TRPC6: variants seen among roughly 807,000 people sequenced by gnomAD.
TRPC6 encodes short transient receptor potential channel 6.
In TRPC6, 55 loss-of-function variants were observed where a neutral mutation model predicts 90.7. The observed-to-expected ratio is 0.61, with a 90% confidence interval of 0.49 to 0.76. The LOEUF is 0.76. Among genes scored for constraint, TRPC6 ranks in the 30% least tolerant of loss-of-function variants. TRPC6 has a pLI of 0.00. For missense variants in TRPC6, 989 were observed against 1,122.7 expected (o/e 0.88, Z 1.70); for synonymous variants, 393 against 393.0 (o/e 1.00, Z 0.00).
At chr11:101,576,118 C>A in intron 1 of TRPC6, among the ~76,000 whole-genome samples, 1 of 152,250 alleles carries the variant, frequency 6.6e-6, no homozygotes, top group East Asian at 1.9e-4. Context: ...ACTTACTGCA[C>A]ATTGTTTAAC....
chr11:101,455,401 A>T, intron 10 of TRPC6: 1 of 291,110 alleles, frequency 3.4e-6, no homozygotes, highest in Non-Finnish European at 6.6e-6. Context: ...TGCATGGTAG[A>T]GAAAGAGTCA....
intron 1 of TRPC6, among the ~76,000 whole-genome samples, chr11:101,512,955 T>A (rs1198765531): frequency 6.6e-6 from 1 of 152,134 alleles, no homozygotes; most frequent in Non-Finnish European, 1.5e-5. Flanking sequence ...CTGAAAAAAC[T>A]TAATGAAGGA....
chr11:101,531,455 G>A (rs551406719), intron 1 of TRPC6, among the ~76,000 whole-genome samples: 18 of 152,282 alleles, frequency 1.2e-4, no homozygotes, highest in Middle Eastern at 3.4e-3. Flanking sequence ...ATCTTGGTAG[G>A]CATTCAGTAT....
rs35718997 is a variant in TRPC6 at position 101,553,318 on chromosome 11, A to AT, written c.170+30015dup. ...CTCTGCCTACTCTGATACCAGCCTT[A>AT]TTTTTTTTTAATTTTTCTTTTGTTT... is the stretch of plus-strand genomic sequence containing the variant. On this transcript the variant is annotated intron_variant, in intron 1 of 12. Coordinates refer to ENST00000344327, the MANE Select transcript of TRPC6 (RefSeq NM_004621.6). 1.4e-3 allele frequency among the ~76,000 whole-genome samples: 214 copies of AT among 151,272 alleles called. 1 individual carries two copies. Among genetic ancestry groups the AT allele is most frequent in the African/African-American group, 5.6e-4 (23 of 41,260 alleles).
intron 4 of TRPC6, among the ~76,000 whole-genome samples, chr11:101,484,595 ATGTGTGTG>A (rs61160203): frequency 0.052 from 7,331 of 140,850 alleles, 203 homozygotes; most frequent in Non-Finnish European, 0.056. Context: ...CTCTCATGCT[ATGTGTGTG>A]TGTGTGTGTG....
At chr11:101,496,877 C>T (rs1439745781) in intron 2 of TRPC6, among the ~76,000 whole-genome samples, 2 of 152,302 alleles carry the variant, frequency 1.3e-5, no homozygotes, top group East Asian at 3.9e-4. Flanking sequence ...TATTCAAAGG[C>T]AAGAACACAC....
At chr11:101,581,898 C>T (rs868602598) in intron 1 of TRPC6, among the ~76,000 whole-genome samples, 9 of 152,104 alleles carry the variant, frequency 5.9e-5, no homozygotes, top group African/African-American at 1.9e-4. Context: ...TGCATGCTAG[C>T]CATTAAAGTT....
chr11:101,485,914 G>T (rs549175439), intron 4 of TRPC6, among the ~76,000 whole-genome samples: 28 of 152,212 alleles, frequency 1.8e-4, no homozygotes, highest in African/African-American at 6.0e-4. Context: ...CAAGGTGTCT[G>T]ATCTGTGTGC....
At chr11:101,469,893 T>C (rs1216842685) in intron 9 of TRPC6, among the ~76,000 whole-genome samples, 1 of 152,220 alleles carries the variant, frequency 6.6e-6, no homozygotes, top group Non-Finnish European at 1.5e-5. Flanking sequence ...TATATACTTA[T>C]TTGAGTTGAT....
At chr11:101,458,268 T>A (rs928354757) in intron 10 of TRPC6, among the ~76,000 whole-genome samples, 1 of 152,212 alleles carries the variant, frequency 6.6e-6, no homozygotes. Flanking sequence ...ATCCTAGAGA[T>A]ATTTTGCCAA....
intron 1 of TRPC6, chr11:101,519,697 AT>A (rs1300457236): frequency 6.5e-6 from 1 of 153,442 alleles, no homozygotes; most frequent in African/African-American, 2.4e-5. Context: ...ACTTTTCAAA[AT>A]TCTGAGCTGT....
chr11:101,501,752 A>G (rs1860131836), intron 2 of TRPC6, among the ~76,000 whole-genome samples: 1 of 152,208 alleles, frequency 6.6e-6, no homozygotes, highest in African/African-American at 2.4e-5. Flanking sequence ...GGCCTTAAAA[A>G]TCAAGCCAGT....
At chr11:101,507,035 AC>A (rs1398841011) in intron 1 of TRPC6, among the ~76,000 whole-genome samples, 3 of 150,772 alleles carry the variant, frequency 2.0e-5, no homozygotes, top group African/African-American at 7.4e-5. Flanking sequence ...ACACACACAC[AC>A]ACACACACAC....
Position 101,466,698 on chromosome 11 carries a change from T to A in TRPC6, c.2484+2729A>T, listed in dbSNP as rs562687318. Among the ~76,000 whole-genome samples, 6 of 152,286 alleles carry A rather than the reference T, an allele frequency of 3.9e-5. No homozygotes were observed. In the South Asian group the frequency reaches 1.2e-3, roughly 32 times the overall value. On this transcript the variant is annotated intron_variant, in intron 10 of 12. Coordinates refer to ENST00000344327, the MANE Select transcript of TRPC6 (RefSeq NM_004621.6). ...ACTTGTCTCCCTGGCTTCAGCCCCC[T>A]TTCCAGGGGAGTGAATGGTTCTGTC...
At chr11:101,459,171 C>T (rs2136645761) in intron 10 of TRPC6, among the ~76,000 whole-genome samples, 1 of 152,202 alleles carries the variant, frequency 6.6e-6, no homozygotes, top group Admixed American at 6.5e-5. Context: ...ATTTAAGCCT[C>T]CAAGAATCAA....
chr11:101,540,284 C>T (rs150271287), intron 1 of TRPC6, among the ~76,000 whole-genome samples: 4 of 152,254 alleles, frequency 2.6e-5, no homozygotes, highest in Admixed American at 2.6e-4. Flanking sequence ...GGAAACAAAG[C>T]AATGCAGGGT....
At chr11:101,465,405 C>T (rs1384297860) in intron 10 of TRPC6, among the ~76,000 whole-genome samples, 1 of 152,140 alleles carries the variant, frequency 6.6e-6, no homozygotes, top group African/African-American at 2.4e-5. Context: ...TCCATTCTCC[C>T]CGTCACCTTC....
At chr11:101,473,385 GC>G in intron 7 of TRPC6, 123 bp downstream of exon 7, 1 of 1,092,760 alleles carries the variant, frequency 9.2e-7, no homozygotes, top group Non-Finnish European at 1.3e-6. Context: ...CCCTCATTTT[GC>G]AAAACAGGAA....
At chr11:101,464,887 C>G (rs187717614) in intron 10 of TRPC6, among the ~76,000 whole-genome samples, 1 of 152,128 alleles carries the variant, frequency 6.6e-6, no homozygotes, top group Non-Finnish European at 1.5e-5. Context: ...TTCATAGTGT[C>G]GATGGTCTTT....
Sources: allele counts gnomAD v4.1 joint callset (sites outside exome capture counted in the v4.1 genomes callset), GRCh38; gene constraint gnomAD v4.1.1; transcripts MANE v1.5; gene names NCBI Gene and HGNC (gene_info 2026-07-23, HGNC 2026-07-21).